The following SMYD3 variants were observed in gnomAD, a reference collection of about 807,000 sequenced individuals.
SMYD3 encodes the protein histone-lysine N-methyltransferase SMYD3.
In SMYD3, 36 loss-of-function variants were observed where a neutral mutation model predicts 57.7. The ratio of observed to expected loss-of-function variants is 0.62; its 90% confidence interval spans 0.48 to 0.82. The LOEUF (loss-of-function observed/expected upper bound fraction) is 0.82, where lower values mean the gene tolerates loss of function less well. SMYD3 is among the 40% of genes least tolerant of loss of function. The probability of loss-of-function intolerance (pLI) is 0.00; values close to 1 mark genes in which losing one functional copy is unlikely to be tolerated. For synonymous variants in SMYD3, 211 were observed against 195.0 expected, an observed-to-expected ratio of 1.08 and a Z score of -0.68; for missense variants, 515 against 538.8, an observed-to-expected ratio of 0.96 and a Z score of 0.44.
chr1:246,283,926 G>T (rs550039278), intron 5 of SMYD3, among the ~76,000 whole-genome samples: 1 of 152,076 alleles, frequency 6.6e-6, no homozygotes, highest in African/African-American at 2.4e-5. Flanking sequence ...ATAACAAAAG[G>T]AAGTCAAGCA....
chr1:245,938,987 A>G (rs1350501094), intron 5 of SMYD3, among the ~76,000 whole-genome samples: 1 of 152,022 alleles, frequency 6.6e-6, no homozygotes, highest in African/African-American at 2.4e-5. Flanking sequence ...CTCTACTAAA[A>G]ATACAAAAAT....
chr1:246,323,179 ACAGC>A lies in SMYD3; in HGVS notation c.531+4018_531+4021del, dbSNP rs992195973. Reference sequence around the variant, plus strand: ...CTATGGCTCATGTTACTCAGTTTTTACAGCCAGGCAACAAATTCATAAGTGGACA... The same window carrying A: ...CTATGGCTCATGTTACTCAGTTTTTACAGGCAACAAATTCATAAGTGGACA... On this transcript the variant is annotated intron_variant, in intron 5 of 11. Coordinates refer to ENST00000490107, the MANE Select transcript of SMYD3 (RefSeq NM_001167740.2). 3.3e-5 allele frequency among the ~76,000 whole-genome samples: 5 copies of A among 152,352 alleles called. No homozygotes were observed. In the South Asian group the frequency reaches 1.0e-3, roughly 32 times the overall value.
chr1:246,451,591 G>A (rs2067633215), intron 1 of SMYD3, among the ~76,000 whole-genome samples: 1 of 152,198 alleles, frequency 6.6e-6, no homozygotes, highest in African/African-American at 2.4e-5. Flanking sequence ...AAACCCATAG[G>A]ATTTACAACA....
In SMYD3 at chr1:246,267,251, G is replaced by GAT. The variant is rs780425894; in HGVS notation, c.531+59948_531+59949dup. Among the ~76,000 whole-genome samples, 4 of 151,988 alleles carry GAT rather than the reference G, an allele frequency of 2.6e-5. 1 individual carries two copies. Among genetic ancestry groups the GAT allele is most frequent in the African/African-American group, 9.7e-5 (4 of 41,378 alleles). On this transcript the variant is annotated intron_variant, in intron 5 of 11. Transcript: ENST00000490107. ...AGACCACAATTATAAATATAGCCTA[G>GAT]ATATATACAAAGCAAATGGTCATGC...
At chr1:245,842,239 A>T (rs9724843) in intron 10 of SMYD3, among the ~76,000 whole-genome samples, 62,980 of 151,822 alleles carry the variant, frequency 0.41, 14,543 homozygotes, top group East Asian at 0.86. Flanking sequence ...TTGTCAGCAA[A>T]ACAGGATCAA....
Position 246,173,058 on chromosome 1 carries a change from G to C in SMYD3, c.531+154143C>G, listed in dbSNP as rs12088764. 8.6e-3 allele frequency among the ~76,000 whole-genome samples: 1,294 copies of C among 149,940 alleles called. 24 individuals are homozygous for C. Among genetic ancestry groups the C allele is most frequent in the African/African-American group, 0.03 (1,212 of 40,582 alleles). ...GACTTTATCAACACCGCACACTTAG[G>C]CTACACAGGCCTAGAACACTCACTG... is the stretch of plus-strand genomic sequence containing the variant. On this transcript the variant is annotated intron_variant, in intron 5 of 11. Transcript: ENST00000490107.
At chr1:246,308,074 C>T (rs774675559) in intron 5 of SMYD3, among the ~76,000 whole-genome samples, 1 of 152,176 alleles carries the variant, frequency 6.6e-6, no homozygotes, top group African/African-American at 2.4e-5. Context: ...TCACCATTAT[C>T]GCAGTCTGCT....
At chr1:246,287,785 A>C (rs1348551352) in intron 5 of SMYD3, among the ~76,000 whole-genome samples, 1 of 152,198 alleles carries the variant, frequency 6.6e-6, no homozygotes, top group Non-Finnish European at 1.5e-5. Flanking sequence ...TGACACCTAT[A>C]AATCAATATT....
Position 246,102,908 on chromosome 1 carries a change from A to G in SMYD3, c.532-172971T>C, listed in dbSNP as rs371921896. On this transcript the variant is annotated intron_variant, in intron 5 of 11. Transcript: ENST00000490107. ...TCTATCAAAACAAAAAACAAAAACT[A>G]TTCTCCTTCACTGACATTCATGGCC... is the stretch of plus-strand genomic sequence containing the variant. Among the ~76,000 whole-genome samples, 39 of 152,216 alleles carry G rather than the reference A, an allele frequency of 2.6e-4. 1 individual carries two copies. The East Asian group carries it at 4.1e-3, about 16-fold the overall frequency.
intron 1 of SMYD3, among the ~76,000 whole-genome samples, chr1:246,475,740 G>A (rs1572037883): frequency 6.6e-6 from 1 of 151,816 alleles, no homozygotes; most frequent in African/African-American, 2.4e-5. Flanking sequence ...TCAGCCTCCC[G>A]AGTAGCTGAG....
At chr1:246,013,096 G>A (rs1352367705) in intron 5 of SMYD3, among the ~76,000 whole-genome samples, 1 of 152,178 alleles carries the variant, frequency 6.6e-6, no homozygotes, top group East Asian at 1.9e-4. Context: ...GTTTTTGTGT[G>A]AGCTTTAAAT....
At chr1:246,460,343 T>C (rs932893827) in intron 1 of SMYD3, among the ~76,000 whole-genome samples, 3 of 152,244 alleles carry the variant, frequency 2.0e-5, no homozygotes, top group Non-Finnish European at 4.4e-5. Context: ...TCATGGTCTC[T>C]GCACTCAAGC....
At chr1:246,210,943 G>T (rs2063076476) in intron 5 of SMYD3, among the ~76,000 whole-genome samples, 1 of 152,120 alleles carries the variant, frequency 6.6e-6, no homozygotes, top group African/African-American at 2.4e-5. Flanking sequence ...TGTGCTGGCA[G>T]ACACCACCAC....
At chr1:245,751,246 T>C (rs770256806) in intron 11 of SMYD3, among the ~76,000 whole-genome samples, 4 of 152,144 alleles carry the variant, frequency 2.6e-5, no homozygotes, top group Non-Finnish European at 4.4e-5. Flanking sequence ...TTAAGAGCAA[T>C]TGCTAGGGGT....
At chr1:246,419,247 C>T (rs1405215751) in intron 1 of SMYD3, among the ~76,000 whole-genome samples, 1 of 152,200 alleles carries the variant, frequency 6.6e-6, no homozygotes, top group Admixed American at 6.5e-5. Context: ...AATCCCACCA[C>T]CCTTTGCTGA....
chr1:245,787,339 C>T (rs1454554980), intron 10 of SMYD3, among the ~76,000 whole-genome samples: 3 of 152,200 alleles, frequency 2.0e-5, no homozygotes, highest in Non-Finnish European at 4.4e-5. Flanking sequence ...ACTTCAGGCT[C>T]GTAAGTTCCC....
rs528534743 is a variant in SMYD3, at chr1:245,837,597, C to T, written c.1076+20899G>A. 1.0e-3 allele frequency among the ~76,000 whole-genome samples: 159 copies of T among 152,250 alleles called. 1 individual carries two copies. The highest frequency in any genetic ancestry group is 0.01 in the Middle Eastern group (3 of 294). ...CATTTTTTATCACACTGTGTTAGTACCCAGGAGACTTTAGCCTTCCCAAAT... is the reference window on the plus strand; with the variant it reads ...CATTTTTTATCACACTGTGTTAGTATCCAGGAGACTTTAGCCTTCCCAAAT... On this transcript the variant is annotated intron_variant, in intron 10 of 11. Coordinates refer to ENST00000490107, the MANE Select transcript of SMYD3 (RefSeq NM_001167740.2).
At chr1:246,463,661 C>CAT (rs761845674) in intron 1 of SMYD3, among the ~76,000 whole-genome samples, 1 of 73,126 alleles carries the variant, frequency 1.4e-5, no homozygotes, top group African/African-American at 5.7e-5. Flanking sequence ...ACTAAAAATA[C>CAT]AAAAAAAAAA....
At chr1:245,963,250 T>C (rs567659544) in intron 5 of SMYD3, among the ~76,000 whole-genome samples, 2 of 152,324 alleles carry the variant, frequency 1.3e-5, no homozygotes, top group South Asian at 2.1e-4. Context: ...CTTATAAATA[T>C]ACACAACTAT....
Sources: gnomAD v4.1 joint callset for allele counts (sites outside exome capture counted in the v4.1 genomes callset) on GRCh38, gnomAD v4.1.1 for gene constraint, MANE v1.5 for transcripts, NCBI Gene and HGNC (gene_info 2026-07-23, HGNC 2026-07-21) for gene names.